The following ANAPC15 variants were observed in gnomAD, a reference collection of about 807,000 sequenced individuals.
The protein encoded by ANAPC15 is anaphase promoting complex subunit 15.
ANAPC15 carries 13 observed loss-of-function variants against 19.8 expected under a neutral mutation model. The ratio of observed to expected loss-of-function variants is 0.66; its 90% CI spans 0.43 to 1.04. The LOEUF (loss-of-function observed/expected upper bound fraction) is 1.04. Ranked by LOEUF, ANAPC15 falls within the 50% of genes least tolerant of loss-of-function variation. The pLI, the probability that ANAPC15 is intolerant of heterozygous loss-of-function variation, is 0.00. For synonymous variants in ANAPC15, 45 were observed against 50.7 expected, an observed-to-expected ratio of 0.89 and a Z score of 0.47; for missense variants, 88 against 150.3, an observed-to-expected ratio of 0.59 and a Z score of 2.17.
downstream of ANAPC15, chr11:72,108,147 T>C: frequency 6.8e-7 from 1 of 1,470,188 alleles, no homozygotes; most frequent in Non-Finnish European, 9.0e-7. Context: ...CCAACCCAGA[T>C]TTTTGTCACC....
chr11:72,108,207 A>G, downstream of ANAPC15: 1 of 1,216,234 alleles, frequency 8.2e-7, no homozygotes, highest in Non-Finnish European at 1.1e-6. Flanking sequence ...ATCTAAGGAG[A>G]AGGAAGCACC....
chr11:72,108,714 T>G, downstream of ANAPC15: 1 of 1,549,698 alleles, frequency 6.5e-7, no homozygotes, highest in Non-Finnish European at 8.7e-7. Context: ...CGATGTTACC[T>G]GAGGGACCTG....
intron 1 of ANAPC15, chr11:72,111,843 A>C (rs1947053061): frequency 6.5e-6 from 1 of 154,442 alleles, no homozygotes; most frequent in Non-Finnish European, 1.4e-5. Flanking sequence ...TAGCATATGC[A>C]AGCAGGGTTC....
rs776063572 is a variant in ANAPC15 at position 72,110,163 on chromosome 11, C to T, written c.243G>A (p.Glu81=). The T allele has an allele frequency of 6.2e-7, 1 of 1,614,132 alleles. No individual in the cohort carries two copies. The highest frequency in any genetic ancestry group is 8.5e-7 in the Non-Finnish European group (1 of 1,180,032). The change falls in exon 5 of 6, where the codon GAG becomes GAA. Residue 81 remains glutamate, a synonymous_variant. Coordinates refer to ENST00000227618, the MANE Select transcript of ANAPC15 (RefSeq NM_014042.3). The stretch of plus-strand genomic sequence containing the variant: ...CCATGTCCTGCATATCCTCATCATC[C>T]TCTGAGTCCTCTTCACTATCCTCAT... The part of the protein sequence containing the change: ...EDDEDSEEDS[E]DDEDMQDMDE...
chr11:72,110,834 TGAGA>T, intron 3 of ANAPC15: 1 of 586,400 alleles, frequency 1.7e-6, no homozygotes. Context: ...GAGGATGAAG[TGAGA>T]GACTTATCAG....
chr11:72,108,884 A>T, downstream of ANAPC15: 1 of 1,549,708 alleles, frequency 6.5e-7, no homozygotes, highest in Non-Finnish European at 8.7e-7. Flanking sequence ...CCCTGCCATC[A>T]AGGATGGAAT....
intron 3 of ANAPC15, chr11:72,110,866 G>A: frequency 3.5e-6 from 2 of 578,128 alleles, no homozygotes; most frequent in East Asian, 2.9e-5. Flanking sequence ...AGCATCATCT[G>A]CTAGATCCTC....
chr11:72,111,906 TTGAA>T (rs1441461064), intron 1 of ANAPC15: 1 of 153,194 alleles, frequency 6.5e-6, no homozygotes, highest in Non-Finnish European at 1.5e-5. Context: ...AGATGGAAGA[TTGAA>T]TGGATGAACT....
downstream of ANAPC15, chr11:72,107,508 T>C: frequency 2.8e-6 from 2 of 702,982 alleles, no homozygotes; most frequent in Non-Finnish European, 5.2e-6. Flanking sequence ...CATATACACA[T>C]GTGGCATGAA....
chr11:72,110,514 A>AC (rs758099655), intron 4 of ANAPC15, 30 bp downstream of exon 4: 35 of 1,613,644 alleles, frequency 2.2e-5, no homozygotes, highest in Non-Finnish European at 2.7e-5. Context: ...TGCGGCCCCC[A>AC]CACAGGCCCC....
downstream of ANAPC15, chr11:72,108,581 C>T: frequency 6.9e-7 from 1 of 1,439,618 alleles, no homozygotes; most frequent in South Asian, 1.5e-5. Flanking sequence ...CCACCCTCAC[C>T]TCCAGCTCCC....
Position 72,111,134 on chromosome 11 carries a change from TGCTGTG to T in ANAPC15, c.120+17_120+22del. On this transcript the variant is annotated intron_variant, in intron 3 of 5. Coordinates refer to ENST00000227618, the MANE Select transcript of ANAPC15 (RefSeq NM_014042.3). ...GTCTCTGTCTGTGCTGAGGTCTCTGTGCTGTGCTAGCTGCTCACTCACCCAGGCCTG... is the reference window on the plus strand; with the variant it reads ...GTCTCTGTCTGTGCTGAGGTCTCTGTCTAGCTGCTCACTCACCCAGGCCTG... 1 of 1,485,384 alleles carries T rather than the reference TGCTGTG, an allele frequency of 6.7e-7. No homozygotes were observed. The highest frequency in any genetic ancestry group is 9.4e-7 in the Non-Finnish European group (1 of 1,063,028). 92.0% of individuals were successfully genotyped at this position (1,485,384 alleles called of 1,614,324 possible).
Position 72,111,040 on chromosome 11 carries a change from A to G in ANAPC15, c.120+117T>C, listed in dbSNP as rs1946734557. The G allele has an allele frequency of 7.2e-5, 55 of 761,976 alleles. No homozygotes were observed. In the South Asian group the frequency reaches 9.4e-4, roughly 13 times the overall value. The allele number at this position is 761,976 out of a possible 1,614,324, so 47.2% of individuals were successfully genotyped here. A position where few individuals can be genotyped will look rare whatever the true frequency, so the allele number is the denominator to read the frequency against. The stretch of plus-strand genomic sequence containing the variant: ...CCTGGCTCCCAGCCCGATTATTCCC[A>G]GCTCAGGGCAAAAAGCTCTTCCTGG... On this transcript the variant is annotated intron_variant, in intron 3 of 5. Transcript: ENST00000227618.
chr11:72,110,698 C>A (rs561162900), intron 3 of ANAPC15, 95 bp from the exon 4 acceptor site: 7 of 1,357,480 alleles, frequency 5.2e-6, no homozygotes, highest in African/African-American at 2.9e-5. Context: ...ACAACCCACA[C>A]GTGTTGGGGA....
chr11:72,107,632 C>T (rs1248074507), downstream of ANAPC15: 1 of 642,480 alleles, frequency 1.6e-6, no homozygotes, highest in Non-Finnish European at 2.8e-6. Flanking sequence ...GGATCAGGTC[C>T]AAGGTCCTGA....
At chr11:72,108,697 C>T (rs1249763442), downstream of ANAPC15, 1 of 1,546,148 alleles carries the variant, frequency 6.5e-7, no homozygotes, top group Non-Finnish European at 8.7e-7. Flanking sequence ...TCCTGGCACA[C>T]CGGCCACGAT....
intron 1 of ANAPC15, chr11:72,112,423 A>G (rs1434508190): frequency 3.8e-6 from 1 of 264,718 alleles, no homozygotes; most frequent in East Asian, 1.1e-4. Flanking sequence ...GGACCAATTA[A>G]CTGAAAGAAA....
downstream of ANAPC15, chr11:72,107,447 C>G (rs1197002316): frequency 2.8e-6 from 2 of 702,702 alleles, no homozygotes; most frequent in Admixed American, 2.0e-5. Context: ...TCTGGAAGTT[C>G]TGAGTTGGCC....
chr11:72,111,127 G>T, intron 3 of ANAPC15, 30 bp downstream of exon 3: 3 of 1,437,832 alleles, frequency 2.1e-6, no homozygotes, highest in African/African-American at 1.4e-5. Flanking sequence ...CTGTGCTGAG[G>T]TCTCTGTGCT....
Sources: gnomAD v4.1 joint callset for allele counts on GRCh38, gnomAD v4.1.1 for gene constraint, MANE v1.5 for transcripts, NCBI Gene and HGNC (gene_info 2026-07-23, HGNC 2026-07-21) for gene names.